Variants in TBXAS1 observed in about 807,000 individuals in gnomAD.
TBXAS1 encodes the protein thromboxane-A synthase.
Under a neutral mutation model 60.7 loss-of-function variants are expected in TBXAS1, and 48 were observed. The observed-to-expected ratio is 0.79, with a 90% CI of 0.63 to 1.01. The LOEUF (loss-of-function observed/expected upper bound fraction) is 1.01, where lower values mean the gene tolerates loss of function less well. TBXAS1 is among the 50% of genes least tolerant of loss of function. The probability of loss-of-function intolerance (pLI) is 0.00; values close to 1 mark genes in which losing one functional copy is unlikely to be tolerated. For synonymous variants in TBXAS1, 287 were observed against 269.7 expected (o/e 1.06, Z -0.63); for missense variants, 685 against 686.3 (o/e 1.00, Z 0.02).
At position 139,975,485 on chromosome 7, in the gene TBXAS1, A is replaced by G. The variant is rs1350997000; in HGVS notation, c.1134+13252A>G. ...TGTTCTTGCCTGACCAAGTGGATCAATGGTGGCTCTGGCATTTCTATAAAG... is the reference window on the plus strand; with the variant it reads ...TGTTCTTGCCTGACCAAGTGGATCAGTGGTGGCTCTGGCATTTCTATAAAG... On this transcript the variant is annotated intron_variant, in intron 9 of 12. Coordinates refer to ENST00000448866, the MANE Select transcript of TBXAS1 (RefSeq NM_001061.7). This position sits in a 1 kb window ranked among gnomAD's most constrained non-coding sequence, Gnocchi z 4.4. Among the ~76,000 whole-genome samples, 5 of 144,030 alleles carry G rather than the reference A, an allele frequency of 3.5e-5. No homozygotes were observed. Among genetic ancestry groups the G allele is most frequent in the Admixed American group, 1.4e-4 (2 of 14,148 alleles). The allele number at this position is 144,030 out of a possible 152,430, so 94.5% of individuals were successfully genotyped here.
chr7:139,930,666 T>C (rs1288148437), intron 4 of TBXAS1, among the ~76,000 whole-genome samples: 1 of 151,876 alleles, frequency 6.6e-6, no homozygotes, highest in Non-Finnish European at 1.5e-5. Flanking sequence ...CCTTCAGGCT[T>C]TGTGTTCAGA....
At position 139,961,999 on chromosome 7, in the gene TBXAS1, C is replaced by T. The variant is rs1467068429; in HGVS notation, c.900C>T (p.Val300=). The part of the protein sequence containing the change: ...SPMGVQDFDI[V]RDVFSSTGCK... ...TGGGCGTGCAAGACTTTGACATCGT[C>T]AGAGACGTTTTCTCCTCTACTGGGT... Residue 300 remains valine (V), a synonymous_variant, in exon 9 of 13, where the codon GTC becomes GTT. Coordinates refer to ENST00000448866, the MANE Select transcript of TBXAS1 (RefSeq NM_001061.7). 1.2e-6 allele frequency: 2 copies of T among 1,614,256 alleles called. No individual in the cohort carries two copies. The highest frequency in any genetic ancestry group is 4.5e-5 in the East Asian group (2 of 44,888).
chr7:139,938,706 G>A (rs545788429), intron 5 of TBXAS1, among the ~76,000 whole-genome samples: 24 of 152,280 alleles, frequency 1.6e-4, no homozygotes, highest in Non-Finnish European at 3.1e-4. Context: ...CATCACTAGC[G>A]TATATGTCTG....
At chr7:139,951,787 G>A (rs1176265697) in intron 5 of TBXAS1, among the ~76,000 whole-genome samples, 2 of 39,058 alleles carry the variant, frequency 5.1e-5, no homozygotes, top group South Asian at 7.8e-4. Context: ...AAAAAAAAAA[G>A]AAAGAAAGAA....
chr7:140,006,969 G>A lies in TBXAS1; in HGVS notation c.1135-122G>A, dbSNP rs561677087. On this transcript the variant is annotated intron_variant, in intron 9 of 12. Transcript: ENST00000448866. ...TTGGGTCATACCGACTTTCCATTTTGTGGGGTTTCTGTTTAAATGTTTGCC... is the reference window on the plus strand; with the variant it reads ...TTGGGTCATACCGACTTTCCATTTTATGGGGTTTCTGTTTAAATGTTTGCC... 115 of 958,028 alleles carry A rather than the reference G, an allele frequency of 1.2e-4. No homozygotes were observed. In the African/African-American group the frequency reaches 1.6e-3, roughly 13 times the overall value. 59.3% of individuals were successfully genotyped at this position (958,028 alleles called of 1,614,324 possible).
intron 4 of TBXAS1, among the ~76,000 whole-genome samples, chr7:139,803,543 T>C (rs944768116): frequency 6.6e-6 from 1 of 152,128 alleles, no homozygotes; most frequent in Non-Finnish European, 1.5e-5. Context: ...GAGCCCAATG[T>C]TAGTCACCAA....
At chr7:139,834,336 G>A (rs528533351) in intron 1 of TBXAS1, among the ~76,000 whole-genome samples, 7 of 152,268 alleles carry the variant, frequency 4.6e-5, no homozygotes, top group African/African-American at 1.7e-4. Context: ...AAAGTTCATA[G>A]CCCTAAACAC....
chr7:139,866,907 C>T (rs1801458982), intron 1 of TBXAS1, among the ~76,000 whole-genome samples: 1 of 152,076 alleles, frequency 6.6e-6, no homozygotes, highest in African/African-American at 2.4e-5. Context: ...GCTTTTGTGC[C>T]CAAATTTCTG....
At chr7:139,816,122 C>T (rs1798141833) in intron 4 of TBXAS1, among the ~76,000 whole-genome samples, 1 of 152,158 alleles carries the variant, frequency 6.6e-6, no homozygotes. Context: ...TTTACATGCT[C>T]TTTTTCTCTC....
chr7:139,947,717 C>T (rs1000954851), intron 5 of TBXAS1, among the ~76,000 whole-genome samples: 3 of 152,192 alleles, frequency 2.0e-5, no homozygotes, highest in South Asian at 2.1e-4. Flanking sequence ...GCCTCACACT[C>T]GGCATCACCT....
intron 9 of TBXAS1, among the ~76,000 whole-genome samples, chr7:139,993,888 CTTTCT>C (rs1398114554): frequency 8.0e-5 from 11 of 137,782 alleles, no homozygotes; most frequent in East Asian, 4.2e-4. Flanking sequence ...CTTTTTCTTT[CTTTCT>C]TTTTTTTTTT....
At chr7:139,853,712 C>T (rs1254751114) in intron 1 of TBXAS1, among the ~76,000 whole-genome samples, 1 of 152,162 alleles carries the variant, frequency 6.6e-6, no homozygotes, top group Non-Finnish European at 1.5e-5. Flanking sequence ...CCTCTTTCAC[C>T]ACAAGTCTCA....
At chr7:139,837,216 A>C (rs1441628970) in intron 1 of TBXAS1, among the ~76,000 whole-genome samples, 2 of 152,232 alleles carry the variant, frequency 1.3e-5, no homozygotes, top group Non-Finnish European at 1.5e-5. Flanking sequence ...GTGGGGATGT[A>C]AACTAGTACA....
intron 1 of TBXAS1, among the ~76,000 whole-genome samples, chr7:139,848,677 G>A (rs1799993575): frequency 6.6e-6 from 1 of 152,190 alleles, no homozygotes; most frequent in African/African-American, 2.4e-5. Context: ...AAATGAAACA[G>A]TAATATCTCT....
intron 4 of TBXAS1, among the ~76,000 whole-genome samples, chr7:139,805,728 C>CTCTCT (rs1554466283): frequency 9.0e-6 from 1 of 110,966 alleles, no homozygotes; most frequent in Non-Finnish European, 1.7e-5. Flanking sequence ...CTCTCTCTCT[C>CTCTCT]TCTTTCTTTC....
intron 10 of TBXAS1, among the ~76,000 whole-genome samples, chr7:140,012,462 C>CTTTT (rs879886189): frequency 7.0e-6 from 1 of 143,670 alleles, no homozygotes; most frequent in African/African-American, 2.5e-5. Context: ...GTAACCAGAA[C>CTTTT]TTTTTTTTTT....
chr7:139,977,580 C>G (rs776216720), intron 9 of TBXAS1, among the ~76,000 whole-genome samples: 1 of 152,146 alleles, frequency 6.6e-6, no homozygotes, highest in African/African-American at 2.4e-5. Context: ...AGCCTAGGGA[C>G]GTTCCATCAC....
intron 3 of TBXAS1, among the ~76,000 whole-genome samples, chr7:139,902,036 T>G (rs1804618897): frequency 6.6e-6 from 1 of 150,612 alleles, no homozygotes; most frequent in Non-Finnish European, 1.5e-5. Flanking sequence ...AATGGTAACC[T>G]CTTGCGTGAC....
At chr7:139,857,934 A>AT (rs1800698043) in intron 1 of TBXAS1, among the ~76,000 whole-genome samples, 1 of 151,716 alleles carries the variant, frequency 6.6e-6, no homozygotes, top group African/African-American at 2.4e-5. Flanking sequence ...GGGTCTTGCT[A>AT]TGTTGCCCAG....
Sources: gnomAD v4.1 joint callset for allele counts (sites outside exome capture counted in the v4.1 genomes callset) on GRCh38, gnomAD v4.1.1 for gene constraint, Gnocchi (gnomAD v3.1) non-coding constraint, MANE v1.5 for transcripts, NCBI Gene and HGNC (gene_info 2026-07-23, HGNC 2026-07-21) for gene names.